EHBP1: variants seen among roughly 807,000 people sequenced by gnomAD.
The protein encoded by EHBP1 is EH domain binding protein 1, also known as EH domain-binding protein 1.
In EHBP1, 55 loss-of-function variants were observed where a neutral mutation model predicts 144.0. The ratio of observed to expected loss-of-function variants is 0.38; its 90% CI spans 0.31 to 0.48. The LOEUF (loss-of-function observed/expected upper bound fraction) is 0.48. EHBP1 is among the 20% of genes least tolerant of loss of function. The pLI is 0.98. For missense variants in EHBP1, 1,200 were observed against 1,364.2 expected (o/e 0.88, Z 1.90); for synonymous variants, 469 against 472.7 (o/e 0.99, Z 0.10).
chr2:63,043,458 T>C (rs893007629), intron 21 of EHBP1, among the ~76,000 whole-genome samples: 2 of 152,224 alleles, frequency 1.3e-5, no homozygotes, highest in African/African-American at 2.4e-5. Flanking sequence ...AATTAACATA[T>C]AGCATGTTTC....
rs17027450 is a variant in EHBP1, at chr2:62,874,514, T to C, written c.1167T>C (p.Asp389=). 11,541 of 1,600,704 alleles carry C rather than the reference T, an allele frequency of 7.2e-3. 753 individuals carry two copies. The African/African-American group carries it at 0.14, about 19-fold the overall frequency. ...LNENTVSAGK[D]LSTSPKPSPI... ...AAAACACAGTTTCTGCAGGAAAAGA[T>C]CTCTCTACTTCTCCTAAGGTAGGAT... The change falls in exon 10 of 23, where the codon GAT becomes GAC. Residue 389 remains aspartate (D), a synonymous_variant. Transcript: ENST00000431489.
chr2:62,800,729 A>G (rs1369508181), intron 5 of EHBP1, among the ~76,000 whole-genome samples: 1 of 152,218 alleles, frequency 6.6e-6, no homozygotes, highest in Non-Finnish European at 1.5e-5. Context: ...ATATCCTGCC[A>G]CATATAGGTG....
chr2:62,779,240 C>G (rs555807828), intron 5 of EHBP1, among the ~76,000 whole-genome samples: 1 of 152,248 alleles, frequency 6.6e-6, no homozygotes, highest in African/African-American at 2.4e-5. Context: ...CTTACTTGAA[C>G]CTAATCAAAT....
At chr2:62,773,603 C>A (rs1393472797) in intron 5 of EHBP1, among the ~76,000 whole-genome samples, 1 of 151,868 alleles carries the variant, frequency 6.6e-6, no homozygotes, top group African/African-American at 2.4e-5. Flanking sequence ...AATCCCAGCA[C>A]TTTGAGAGGC....
At chr2:62,711,311 TAGC>T (rs1456899303) in intron 2 of EHBP1, among the ~76,000 whole-genome samples, 1 of 152,196 alleles carries the variant, frequency 6.6e-6, no homozygotes, top group African/African-American at 2.4e-5. Flanking sequence ...AAGATATAGT[TAGC>T]AGGACTTACT....
intron 21 of EHBP1, among the ~76,000 whole-genome samples, chr2:63,042,588 T>G (rs1170833395): frequency 6.6e-6 from 1 of 152,010 alleles, no homozygotes; most frequent in African/African-American, 2.4e-5. Context: ...TACCTAAATA[T>G]TCTTAATTTT....
At chr2:62,997,390 T>C (rs2059675943) in intron 19 of EHBP1, among the ~76,000 whole-genome samples, 2 of 151,042 alleles carry the variant, frequency 1.3e-5, no homozygotes, top group Admixed American at 1.3e-4. Flanking sequence ...GGTGATTGAA[T>C]AGATCTAAGA....
intron 10 of EHBP1, among the ~76,000 whole-genome samples, chr2:62,880,319 C>A (rs2051292735): frequency 7.0e-6 from 1 of 143,774 alleles, no homozygotes; most frequent in Admixed American, 7.1e-5. Context: ...ATGAAGATTT[C>A]ATGACAAAAA....
intron 1 of EHBP1, among the ~76,000 whole-genome samples, chr2:62,684,348 AAAG>A (rs1475541017): frequency 1.2e-4 from 18 of 152,112 alleles, no homozygotes; most frequent in African/African-American, 4.1e-4. Context: ...ACTCCTTGGG[AAAG>A]AAGGAGAGAT....
chr2:62,690,807 C>T (rs1202401266), intron 1 of EHBP1, among the ~76,000 whole-genome samples: 1 of 152,142 alleles, frequency 6.6e-6, no homozygotes, highest in African/African-American at 2.4e-5. Context: ...CCACTGGACA[C>T]CTATTTCAAA....
chr2:62,934,438 G>A (rs1236447224), intron 10 of EHBP1, among the ~76,000 whole-genome samples: 1 of 152,142 alleles, frequency 6.6e-6, no homozygotes, highest in East Asian at 1.9e-4. Context: ...TTACTGATCT[G>A]TGGATATTCT....
At chr2:63,041,219 T>TCACCC (rs2061647272) in intron 21 of EHBP1, among the ~76,000 whole-genome samples, 1 of 152,218 alleles carries the variant, frequency 6.6e-6, no homozygotes, top group South Asian at 2.1e-4. Flanking sequence ...GGCCTGTTTT[T>TCACCC]TACCCTTTTT....
chr2:62,972,990 G>A (rs369199072), intron 14 of EHBP1, among the ~76,000 whole-genome samples: 1 of 152,076 alleles, frequency 6.6e-6, no homozygotes, highest in African/African-American at 2.4e-5. Flanking sequence ...GAACAATGAT[G>A]AGTAAATAAG....
At chr2:62,895,050 C>G (rs2052787924) in intron 10 of EHBP1, among the ~76,000 whole-genome samples, 2 of 152,004 alleles carry the variant, frequency 1.3e-5, no homozygotes, top group Non-Finnish European at 2.9e-5. Flanking sequence ...ATGCATTATT[C>G]AGAAGGCTAC....
chr2:62,956,923 C>T (rs907907501), intron 14 of EHBP1, among the ~76,000 whole-genome samples: 4 of 152,088 alleles, frequency 2.6e-5, no homozygotes, highest in Non-Finnish European at 5.9e-5. Flanking sequence ...GTGTGGGCTT[C>T]CTCATAGCAT....
intron 1 of EHBP1, among the ~76,000 whole-genome samples, chr2:62,681,243 T>C: frequency 6.8e-6 from 1 of 147,334 alleles, no homozygotes; most frequent in East Asian, 2.0e-4. Flanking sequence ...GAGGTGGAGG[T>C]TGCAGTGTGC....
At chr2:63,017,890 G>A (rs1344582147) in intron 19 of EHBP1, among the ~76,000 whole-genome samples, 1 of 152,196 alleles carries the variant, frequency 6.6e-6, no homozygotes, top group Non-Finnish European at 1.5e-5. Context: ...GGAGCTGAGT[G>A]TGGTGGCACC....
chr2:62,902,127 C>G (rs972978269), intron 10 of EHBP1, among the ~76,000 whole-genome samples: 2 of 152,030 alleles, frequency 1.3e-5, no homozygotes, highest in African/African-American at 4.8e-5. Context: ...GTTAGTTACA[C>G]GTTCTACAAG....
At chr2:62,748,720 C>T (rs2039387388) in intron 3 of EHBP1, among the ~76,000 whole-genome samples, 1 of 152,032 alleles carries the variant, frequency 6.6e-6, no homozygotes, top group African/African-American at 2.4e-5. Context: ...ACAATGACCA[C>T]AAGAATGTTT....
Sources: allele counts gnomAD v4.1 joint callset (sites outside exome capture counted in the v4.1 genomes callset), GRCh38; gene constraint gnomAD v4.1.1; transcripts MANE v1.5; gene names NCBI Gene and HGNC (gene_info 2026-07-23, HGNC 2026-07-21).